The following BCAS3 variants were observed in gnomAD, a reference collection of about 807,000 sequenced individuals.
BCAS3 encodes BCAS4/BCAS3 fusion.
BCAS3 carries 53 observed loss-of-function variants against 116.1 expected under a neutral mutation model. That is an observed-to-expected ratio of 0.46 (90% CI 0.37 to 0.57). The LOEUF (loss-of-function observed/expected upper bound fraction) is 0.57, where lower values mean the gene tolerates loss of function less well. Ranked by LOEUF, BCAS3 falls within the 20% of genes least tolerant of loss-of-function variation. The pLI, the probability that BCAS3 is intolerant of heterozygous loss-of-function variation, is 0.00. For missense variants in BCAS3, 917 were observed against 1,165.4 expected, an observed-to-expected ratio of 0.79 and a Z score of 3.10; for synonymous variants, 391 against 408.2, an observed-to-expected ratio of 0.96 and a Z score of 0.51.
intron 23 of BCAS3, among the ~76,000 whole-genome samples, chr17:61,375,218 T>TGTGTGTGTG (rs2059272833): frequency 7.0e-6 from 1 of 142,680 alleles, no homozygotes; most frequent in African/African-American, 2.7e-5. Flanking sequence ...AAAGCACTAT[T>TGTGTGTGTG]TGTGTGTGTG....
At chr17:60,754,638 G>T (rs1442881048) in intron 6 of BCAS3, among the ~76,000 whole-genome samples, 1 of 151,008 alleles carries the variant, frequency 6.6e-6, no homozygotes, top group Non-Finnish European at 1.5e-5. Flanking sequence ...AATCATTTTG[G>T]CCTTGAATAA....
At chr17:61,024,976 A>G (rs893505874) in intron 16 of BCAS3, among the ~76,000 whole-genome samples, 8 of 152,156 alleles carry the variant, frequency 5.3e-5, no homozygotes, top group African/African-American at 1.9e-4. Flanking sequence ...TCCAGATTAC[A>G]GTCACTTCTG....
chr17:60,965,268 C>T (rs1294362116), intron 14 of BCAS3, among the ~76,000 whole-genome samples: 5 of 143,946 alleles, frequency 3.5e-5, no homozygotes, highest in African/African-American at 5.2e-5. Context: ...TCACTCCAGG[C>T]TGGAGTGCAG....
intron 22 of BCAS3, among the ~76,000 whole-genome samples, chr17:61,311,911 T>A (rs1464743519): frequency 1.3e-5 from 2 of 152,010 alleles, no homozygotes; most frequent in Non-Finnish European, 2.9e-5. Flanking sequence ...AGCATATATA[T>A]ATATGACAGA....
At position 61,367,331 on chromosome 17, in the gene BCAS3, C is replaced by T. The variant is rs951724975; in HGVS notation, c.2426-996C>T. ...ACAGAGCGTGACTATAATCTCCTTC[C>T]GAGAGAGAGTGGATGAAATAAGCTT... On this transcript the variant is annotated intron_variant, in intron 22 of 23. Coordinates refer to ENST00000407086, the MANE Select transcript of BCAS3 (RefSeq NM_017679.5). This position sits in a 1 kb window ranked among gnomAD's most constrained non-coding sequence, Gnocchi z 6.2. Among the ~76,000 whole-genome samples, 7 of 152,122 alleles carry T rather than the reference C, an allele frequency of 4.6e-5. No homozygotes were observed. The highest frequency in any genetic ancestry group is 8.8e-5 in the Non-Finnish European group (6 of 68,010).
intron 23 of BCAS3, among the ~76,000 whole-genome samples, chr17:61,385,323 C>T (rs2059792255): frequency 6.6e-6 from 1 of 152,220 alleles, no homozygotes; most frequent in South Asian, 2.1e-4. Context: ...CTTAGTCTCT[C>T]TCTCTCTCCA....
rs955154129 is a variant in BCAS3 at position 60,797,584 on chromosome 17, G to A, written c.404-10420G>A. On this transcript the variant is annotated intron_variant, in intron 6 of 23. Coordinates refer to ENST00000407086, the MANE Select transcript of BCAS3 (RefSeq NM_017679.5). The stretch of plus-strand genomic sequence containing the variant: ...GTTCTGGGATACATGTGCAGAATGT[G>A]CATGTTTGTTACATAGGTATACACA... 2.0e-5 allele frequency among the ~76,000 whole-genome samples: 3 copies of A among 152,096 alleles called. No individual in the cohort carries two copies. In the East Asian group the frequency reaches 5.8e-4, roughly 29 times the overall value.
Position 61,281,008 on chromosome 17 carries a change from C to A in BCAS3, c.2426-87319C>A, listed in dbSNP as rs1386034821. On this transcript the variant is annotated intron_variant, in intron 22 of 23. Transcript: ENST00000407086. The surrounding 1 kb of genome is among the most constrained non-coding windows in gnomAD (Gnocchi z 4.2). ...ACAAAATGGTATAAAAAGAGACCTACTCTTATCTCCCAATCCTTGCCCAGA... is the reference window on the plus strand; with the variant it reads ...ACAAAATGGTATAAAAAGAGACCTAATCTTATCTCCCAATCCTTGCCCAGA... 1.3e-5 allele frequency among the ~76,000 whole-genome samples: 2 copies of A among 152,214 alleles called. No homozygotes were observed. Among genetic ancestry groups the A allele is most frequent in the Non-Finnish European group, 2.9e-5 (2 of 68,028 alleles).
At position 61,241,108 on chromosome 17, in the gene BCAS3, G is replaced by A. The variant is rs1200621713; in HGVS notation, c.2426-127219G>A. Among the ~76,000 whole-genome samples, 4 of 152,276 alleles carry A rather than the reference G, an allele frequency of 2.6e-5. No homozygotes were observed. The East Asian group carries it at 7.7e-4, about 29-fold the overall frequency. On this transcript the variant is annotated intron_variant, in intron 22 of 23. Transcript: ENST00000407086. This position sits in a 1 kb window ranked among gnomAD's most constrained non-coding sequence, Gnocchi z 4.6. ...GACTCTGAATAGCAATTACAATACA[G>A]TTAAGCTTTCTTTGGGGGACCCTCA...
In BCAS3 at chr17:61,145,612, T is replaced by C. The variant is rs1405763260; in HGVS notation, c.2425+61048T>C. On this transcript the variant is annotated intron_variant, in intron 22 of 23. Transcript: ENST00000407086. This position sits in a 1 kb window ranked among gnomAD's most constrained non-coding sequence, Gnocchi z 5.0. ...AACTGTACAGCACAGCACCAGACCC[T>C]TGTGTCATTTAATGTTACTTTAAAA... Among the ~76,000 whole-genome samples the C allele has an allele frequency of 1.3e-5, 2 of 152,206 alleles. No individual in the cohort carries two copies. Among genetic ancestry groups the C allele is most frequent in the Non-Finnish European group, 2.9e-5 (2 of 68,036 alleles).
At chr17:60,746,575 A>G (rs571431974) in intron 5 of BCAS3, among the ~76,000 whole-genome samples, 2 of 152,142 alleles carry the variant, frequency 1.3e-5, no homozygotes, top group Admixed American at 1.3e-4. Context: ...GATGACTTTT[A>G]AAAGTTGTAT....
intron 6 of BCAS3, among the ~76,000 whole-genome samples, chr17:60,776,230 G>A (rs150448599): frequency 2.6e-3 from 401 of 152,272 alleles, no homozygotes; most frequent in African/African-American, 7.5e-3. Flanking sequence ...AGTAATCTGT[G>A]TGTGTGTGTA....
At chr17:61,064,085 T>C (rs889896670) in intron 19 of BCAS3, among the ~76,000 whole-genome samples, 3 of 152,178 alleles carry the variant, frequency 2.0e-5, no homozygotes, top group Non-Finnish European at 2.9e-5. Context: ...CTTAAAATGG[T>C]TTGACCTTGC....
At position 61,056,742 on chromosome 17, in the gene BCAS3, G is replaced by A. The variant is rs1290758195; in HGVS notation, c.2029+15850G>A. Among the ~76,000 whole-genome samples, 5 of 152,140 alleles carry A rather than the reference G, an allele frequency of 3.3e-5. No homozygotes were observed. Among genetic ancestry groups the A allele is most frequent in the African/African-American group, 9.7e-5 (4 of 41,436 alleles). On this transcript the variant is annotated intron_variant, in intron 19 of 23. Coordinates refer to ENST00000407086, the MANE Select transcript of BCAS3 (RefSeq NM_017679.5). The surrounding 1 kb of genome is among the most constrained non-coding windows in gnomAD (Gnocchi z 4.9). ...CCCAGGGGTTTTATTATAACAAAAT[G>A]GTTTTCCTATTAAGTGATGTACTAC...
At chr17:60,846,291 C>T (rs1296831174) in intron 7 of BCAS3, among the ~76,000 whole-genome samples, 28 of 152,102 alleles carry the variant, frequency 1.8e-4, no homozygotes. Context: ...TGTCAAAAGT[C>T]CTTTTTTATT....
At chr17:61,137,980 A>G (rs1763479002) in intron 22 of BCAS3, among the ~76,000 whole-genome samples, 1 of 152,180 alleles carries the variant, frequency 6.6e-6, no homozygotes. Context: ...CATCATAAAG[A>G]TTGAATTTTC....
chr17:60,684,162 A>G, intron 3 of BCAS3, 126 bp downstream of exon 3: 1 of 798,856 alleles, frequency 1.3e-6, no homozygotes, highest in South Asian at 1.6e-5. Context: ...CATCCTGAGC[A>G]TTCGTAGGGT....
intron 10 of BCAS3, among the ~76,000 whole-genome samples, chr17:60,894,540 C>T (rs937928886): frequency 6.6e-6 from 1 of 152,120 alleles, no homozygotes; most frequent in Admixed American, 6.5e-5. Flanking sequence ...TCTACTTTTC[C>T]AATTTGGATG....
chr17:60,923,185 A>G (rs1567876568), intron 12 of BCAS3, among the ~76,000 whole-genome samples: 1 of 152,204 alleles, frequency 6.6e-6, no homozygotes, highest in Non-Finnish European at 1.5e-5. Context: ...TTGTAGCTAG[A>G]TTGAATTGGA....
Sources: gnomAD v4.1 joint callset for allele counts (sites outside exome capture counted in the v4.1 genomes callset) on GRCh38, gnomAD v4.1.1 for gene constraint, Gnocchi (gnomAD v3.1) non-coding constraint, MANE v1.5 for transcripts, NCBI Gene and HGNC (gene_info 2026-07-23, HGNC 2026-07-21) for gene names.